Variants in SCML4 observed in about 807,000 individuals in gnomAD.
SCML4 encodes the protein Scm polycomb group protein like 4.
SCML4 carries 34 observed loss-of-function variants against 41.1 expected under a neutral mutation model. That is an observed-to-expected ratio of 0.83 (90% confidence interval 0.63 to 1.10). The LOEUF is 1.10. Among genes scored for constraint, SCML4 ranks in the 50% least tolerant of loss-of-function variants. SCML4 has a pLI of 0.00. For synonymous variants in SCML4, 214 were observed against 220.9 expected, an observed-to-expected ratio of 0.97 and a Z score of 0.28; for missense variants, 522 against 534.1, an observed-to-expected ratio of 0.98 and a Z score of 0.22.
chr6:107,804,456 A>T (rs1385660693), intron 1 of SCML4, among the ~76,000 whole-genome samples: 1 of 151,522 alleles, frequency 6.6e-6, no homozygotes, highest in Non-Finnish European at 1.5e-5. Flanking sequence ...GAGAGTCTGG[A>T]GGGGCCAGGA....
chr6:107,705,427 A>G (rs2114325024), intron 7 of SCML4, 102 bp from the exon 8 acceptor site: 1 of 1,084,744 alleles, frequency 9.2e-7, no homozygotes, highest in East Asian at 2.6e-5. Flanking sequence ...CTCAGGGCAT[A>G]TGGATTGATT....
At chr6:107,792,519 C>T (rs780121800) in intron 1 of SCML4, among the ~76,000 whole-genome samples, 1 of 152,086 alleles carries the variant, frequency 6.6e-6, no homozygotes, top group Non-Finnish European at 1.5e-5. Context: ...ATCACCAGGT[C>T]AGCAGTTTGA....
intron 5 of SCML4, among the ~76,000 whole-genome samples, chr6:107,724,334 C>G (rs2114417769): frequency 6.6e-6 from 1 of 152,112 alleles, no homozygotes; most frequent in Admixed American, 6.5e-5. Context: ...AAAAGAAAAG[C>G]CATCTGGATT....
intron 5 of SCML4, among the ~76,000 whole-genome samples, chr6:107,728,857 G>T (rs1416766172): frequency 6.6e-6 from 1 of 152,202 alleles, no homozygotes; most frequent in African/African-American, 2.4e-5. Context: ...AGTGGCTCCT[G>T]GGTGGCCGCG....
chr6:107,743,784 A>T (rs1260929610), intron 5 of SCML4, among the ~76,000 whole-genome samples: 1 of 152,198 alleles, frequency 6.6e-6, no homozygotes, highest in Non-Finnish European at 1.5e-5. Context: ...AGAGAGATAA[A>T]AGCAAAATTG....
At chr6:107,720,085 T>C (rs1775215740) in intron 6 of SCML4, 2 of 985,354 alleles carry the variant, frequency 2.0e-6, no homozygotes, top group Non-Finnish European at 1.2e-6. Flanking sequence ...CTCATGTATT[T>C]GTATCCTGAA....
intron 1 of SCML4, among the ~76,000 whole-genome samples, chr6:107,823,644 A>T (rs1371792185): frequency 1.3e-5 from 2 of 152,248 alleles, no homozygotes. Flanking sequence ...GAAAAAAAAC[A>T]CTTTTACATG....
chr6:107,724,375 T>G (rs1775745862), intron 5 of SCML4, among the ~76,000 whole-genome samples: 3 of 152,222 alleles, frequency 2.0e-5, no homozygotes, highest in Admixed American at 1.3e-4. Context: ...ATCTCTTATG[T>G]GTACGAAATC....
At chr6:107,765,539 C>G (rs1034482612) in intron 2 of SCML4, among the ~76,000 whole-genome samples, 2 of 152,184 alleles carry the variant, frequency 1.3e-5, no homozygotes, top group Non-Finnish European at 2.9e-5. Flanking sequence ...ACAGTATATA[C>G]ACTTACAAGT....
At chr6:107,721,097 T>C (rs760246182) in intron 5 of SCML4, 104 bp from the exon 6 acceptor site, 26 of 1,382,188 alleles carry the variant, frequency 1.9e-5, no homozygotes, top group Non-Finnish European at 2.3e-5. Flanking sequence ...CAGTAGCCAG[T>C]ATTTGTGAGC....
intron 2 of SCML4, among the ~76,000 whole-genome samples, chr6:107,761,019 C>T (rs924002436): frequency 3.3e-5 from 5 of 152,034 alleles, no homozygotes; most frequent in Non-Finnish European, 7.4e-5. Flanking sequence ...AATTAATGAG[C>T]TCGAAGATAT....
At chr6:107,803,957 T>C (rs1783509430) in intron 1 of SCML4, among the ~76,000 whole-genome samples, 1 of 151,730 alleles carries the variant, frequency 6.6e-6, no homozygotes, top group South Asian at 2.1e-4. Flanking sequence ...GAGACCTTTG[T>C]TCACTTGTTT....
At chr6:107,721,649 C>A (rs1397819232) in intron 5 of SCML4, among the ~76,000 whole-genome samples, 1 of 152,224 alleles carries the variant, frequency 6.6e-6, no homozygotes, top group Non-Finnish European at 1.5e-5. Flanking sequence ...CCAGCACAGC[C>A]CCCCTCACCT....
At position 107,720,863 on chromosome 6, in the gene SCML4, C is replaced by T; in HGVS notation, c.813G>A (p.Arg271=). ...CAAGGTGGCTGTCTCCAGAGTTCTG[C>T]CTCTTGCAGTACAGCGAGGAGGAGG... is the stretch of plus-strand genomic sequence containing the variant. ...LHPSSSLYCK[R]QNSGDSHLGG... Residue 271 remains arginine, a synonymous_variant, in exon 6 of 8, where the codon AGG becomes AGA. Coordinates refer to ENST00000369020, the MANE Select transcript of SCML4 (RefSeq NM_198081.5). 1 of 1,614,166 alleles carries T rather than the reference C, an allele frequency of 6.2e-7. No homozygotes were observed. Among genetic ancestry groups the T allele is most frequent in the Non-Finnish European group, 8.5e-7 (1 of 1,180,024 alleles).
chr6:107,709,037 C>T (rs547222898), intron 6 of SCML4, among the ~76,000 whole-genome samples: 59 of 152,266 alleles, frequency 3.9e-4, no homozygotes, highest in Non-Finnish European at 6.5e-4. Flanking sequence ...CCTTCCACCC[C>T]TGCTGCCCCA....
chr6:107,834,033 A>G, the SCML4 span, among the ~76,000 whole-genome samples: 1 of 152,232 alleles, frequency 6.6e-6, no homozygotes, highest in African/African-American at 2.4e-5. Context: ...GACAAATGGA[A>G]GGAAACGGGA....
At chr6:107,727,985 G>C (rs1776157454) in intron 5 of SCML4, among the ~76,000 whole-genome samples, 1 of 152,148 alleles carries the variant, frequency 6.6e-6, no homozygotes, top group Non-Finnish European at 1.5e-5. Context: ...AATATTTATT[G>C]AGTAAACATT....
intron 6 of SCML4, among the ~76,000 whole-genome samples, chr6:107,712,126 C>G (rs1774282224): frequency 6.6e-6 from 1 of 152,180 alleles, no homozygotes; most frequent in Admixed American, 6.5e-5. Context: ...TTAAAGACAT[C>G]TGCACTCAAC....
intron 7 of SCML4, among the ~76,000 whole-genome samples, chr6:107,707,546 G>A (rs998071113): frequency 2.6e-5 from 4 of 152,182 alleles, no homozygotes; most frequent in African/African-American, 7.2e-5. Context: ...CTGGCATGTC[G>A]TTGGTGTGCT....
Sources: gnomAD v4.1 joint callset for allele counts (sites outside exome capture counted in the v4.1 genomes callset) on GRCh38, gnomAD v4.1.1 for gene constraint, MANE v1.5 for transcripts, NCBI Gene and HGNC (gene_info 2026-07-23, HGNC 2026-07-21) for gene names.